SEMA6D: variants seen among roughly 807,000 people sequenced by gnomAD.
SEMA6D encodes the protein semaphorin 6D.
Under a neutral mutation model 106.6 loss-of-function variants are expected in SEMA6D, and 35 were observed. That is an observed-to-expected ratio of 0.33 (90% CI 0.25 to 0.44). The LOEUF is 0.44. SEMA6D is among the 20% of genes least tolerant of loss of function. SEMA6D has a pLI of 1.00. For synonymous variants in SEMA6D, 499 were observed against 487.7 expected, an observed-to-expected ratio of 1.02 and a Z score of -0.31; for missense variants, 1,185 against 1,345.9, an observed-to-expected ratio of 0.88 and a Z score of 1.87.
chr15:47,336,183 C>T (rs2037547458), intron 1 of SEMA6D, among the ~76,000 whole-genome samples: 2 of 152,152 alleles, frequency 1.3e-5, no homozygotes, highest in South Asian at 2.1e-4. Flanking sequence ...TATATTTCAG[C>T]ATGGTTTGTG....
At chr15:47,468,863 C>T (rs1157077182) in intron 2 of SEMA6D, among the ~76,000 whole-genome samples, 1 of 152,154 alleles carries the variant, frequency 6.6e-6, no homozygotes, top group East Asian at 1.9e-4. Flanking sequence ...CATCAACACA[C>T]TAGGAAGCCA....
chr15:47,479,126 A>G lies in SEMA6D; in HGVS notation c.-87+8581A>G, dbSNP rs191996436. ...TATCAGCCATCATTCTATGCATCCA[A>G]AGTGTAAACCACATTCTTCATCCTT... On this transcript the variant is annotated intron_variant, in intron 3 of 19. Coordinates refer to the SEMA6D transcript ENST00000558014. Among the ~76,000 whole-genome samples, 116 of 152,220 alleles carry G rather than the reference A, an allele frequency of 7.6e-4. 1 individual carries two copies. The East Asian group carries it at 8.7e-3, about 11-fold the overall frequency.
chr15:47,604,120 T>C (rs1442877488), intron 4 of SEMA6D: 12 of 152,216 alleles, frequency 7.9e-5, no homozygotes, highest in Non-Finnish European at 1.5e-4. Context: ...ACTAAGACCA[T>C]GGCCTGACCC....
At chr15:47,605,839 C>T (rs1287068926) in intron 4 of SEMA6D, among the ~76,000 whole-genome samples, 1 of 152,190 alleles carries the variant, frequency 6.6e-6, no homozygotes, top group Non-Finnish European at 1.5e-5. Context: ...TTCACCAACC[C>T]AGAAGCTCTT....
intron 1 of SEMA6D, among the ~76,000 whole-genome samples, chr15:47,746,137 A>T (rs1427921542): frequency 6.6e-6 from 1 of 152,232 alleles, no homozygotes; most frequent in Non-Finnish European, 1.5e-5. Flanking sequence ...AGGACTTGGG[A>T]CTAAAAATTC....
At chr15:47,650,140 G>A (rs897199395) in intron 4 of SEMA6D, among the ~76,000 whole-genome samples, 3 of 152,158 alleles carry the variant, frequency 2.0e-5, no homozygotes, top group Non-Finnish European at 4.4e-5. Context: ...TGAGAAGAAG[G>A]TTCTAGTATT....
At chr15:47,351,218 T>C (rs1485808648) in intron 1 of SEMA6D, among the ~76,000 whole-genome samples, 1 of 152,174 alleles carries the variant, frequency 6.6e-6, no homozygotes, top group Non-Finnish European at 1.5e-5. Context: ...ATGTCAAAAT[T>C]CTTTGAAGAA....
chr15:47,390,251 T>C (rs895530514), intron 1 of SEMA6D, among the ~76,000 whole-genome samples: 1 of 152,140 alleles, frequency 6.6e-6, no homozygotes, highest in Non-Finnish European at 1.5e-5. Flanking sequence ...ATATGGTCTT[T>C]CACCACAGTA....
intron 1 of SEMA6D, among the ~76,000 whole-genome samples, chr15:47,389,365 G>A (rs1323692715): frequency 6.6e-6 from 1 of 152,002 alleles, no homozygotes; most frequent in East Asian, 1.9e-4. Flanking sequence ...ATTGTTCTTT[G>A]TGAAGGTATT....
At chr15:47,239,121 G>T (rs1340673627) in intron 1 of SEMA6D, among the ~76,000 whole-genome samples, 1 of 152,148 alleles carries the variant, frequency 6.6e-6, no homozygotes, top group Non-Finnish European at 1.5e-5. Context: ...TGTCAGATCA[G>T]ATGTGGCATT....
intron 1 of SEMA6D, 50 bp from the exon 2 acceptor site, chr15:47,759,695 A>G: frequency 2.5e-6 from 2 of 816,244 alleles, no homozygotes; most frequent in South Asian, 1.4e-5. Flanking sequence ...AAACAAGAAA[A>G]CCGCTTCATT....
chr15:47,642,485 A>C (rs1250385990), intron 4 of SEMA6D, among the ~76,000 whole-genome samples: 1 of 152,170 alleles, frequency 6.6e-6, no homozygotes, highest in Non-Finnish European at 1.5e-5. Context: ...CTGTGAGTAC[A>C]GCAGAGGGTA....
chr15:47,610,639 A>G (rs1459761221), intron 4 of SEMA6D, among the ~76,000 whole-genome samples: 2 of 152,192 alleles, frequency 1.3e-5, no homozygotes, highest in African/African-American at 2.4e-5. Context: ...TCCTAGATAT[A>G]TCTCACTCAT....
intron 1 of SEMA6D, among the ~76,000 whole-genome samples, chr15:47,191,771 A>G (rs1369527245): frequency 1.3e-5 from 2 of 152,194 alleles, no homozygotes; most frequent in Non-Finnish European, 2.9e-5. Flanking sequence ...AGGAGATGGT[A>G]TAGAAAAGCT....
intron 4 of SEMA6D, among the ~76,000 whole-genome samples, chr15:47,696,976 C>G (rs1430848652): frequency 2.0e-5 from 3 of 152,038 alleles, no homozygotes; most frequent in African/African-American, 7.2e-5. Flanking sequence ...TCATTATAAT[C>G]ATCATCATCT....
chr15:47,420,065 T>C (rs2041103849), intron 2 of SEMA6D, among the ~76,000 whole-genome samples: 1 of 152,104 alleles, frequency 6.6e-6, no homozygotes, highest in Non-Finnish European at 1.5e-5. Context: ...GATTGACTGT[T>C]GCTGAGGAGA....
At chr15:47,310,739 T>C (rs2036416557) in intron 1 of SEMA6D, among the ~76,000 whole-genome samples, 1 of 152,180 alleles carries the variant, frequency 6.6e-6, no homozygotes, top group Admixed American at 6.5e-5. Context: ...ACTACAGCCA[T>C]ATACAGCTCT....
At chr15:47,737,560 A>T (rs2080519558) in intron 1 of SEMA6D, among the ~76,000 whole-genome samples, 1 of 151,774 alleles carries the variant, frequency 6.6e-6, no homozygotes, top group Admixed American at 6.6e-5. Context: ...TTATATTCTG[A>T]TTTTTTTTCC....
intron 3 of SEMA6D, among the ~76,000 whole-genome samples, chr15:47,547,860 A>G (rs1013996036): frequency 2.6e-5 from 4 of 152,186 alleles, no homozygotes; most frequent in African/African-American, 9.7e-5. Context: ...TGTGGCTTTC[A>G]CCTACGCTAA....
Sources: allele counts gnomAD v4.1 joint callset (sites outside exome capture counted in the v4.1 genomes callset), GRCh38; gene constraint gnomAD v4.1.1; transcripts MANE v1.5; gene names NCBI Gene and HGNC (gene_info 2026-07-23, HGNC 2026-07-21).